The following TMEM161A variants were observed in gnomAD, a reference collection of about 807,000 sequenced individuals.
TMEM161A encodes the protein transmembrane protein 161A.
Under a neutral mutation model 57.1 loss-of-function variants are expected in TMEM161A, and 46 were observed. The ratio of observed to expected loss-of-function variants is 0.81; its 90% CI spans 0.64 to 1.03. TMEM161A has a LOEUF of 1.03. TMEM161A is among the 50% of genes least tolerant of loss of function. The pLI is 0.00. For missense variants in TMEM161A, 601 were observed against 621.5 expected (o/e 0.97, Z 0.35); for synonymous variants, 288 against 279.0 (o/e 1.03, Z -0.32).
intron 6 of TMEM161A, among the ~76,000 whole-genome samples, chr19:19,128,044 T>C (rs2059939565): frequency 6.6e-6 from 1 of 152,160 alleles, no homozygotes. Context: ...TACTGTATGA[T>C]GCCACTTATA....
chr19:19,132,593 C>G lies in TMEM161A; in HGVS notation c.286+64G>C. 6.4e-7 allele frequency: 1 copy of G among 1,571,344 alleles called. No individual in the cohort carries two copies. The highest frequency in any genetic ancestry group is 2.2e-5 in the East Asian group (1 of 44,520). On this transcript the variant is annotated intron_variant, in intron 4 of 11. Transcript: ENST00000162044. The surrounding 1 kb of genome is among the most constrained non-coding windows in gnomAD (Gnocchi z 4.3). ...TCTTCCTTCAAATCCTCCCCACCCC[C>G]ATGAGGGTGTGGAGACCTTCAGGGC...
At chr19:19,127,601 C>T (rs943582447) in intron 6 of TMEM161A, among the ~76,000 whole-genome samples, 31 of 151,960 alleles carry the variant, frequency 2.0e-4, no homozygotes, top group South Asian at 2.1e-4. Context: ...GGATTACAGG[C>T]GTGAGCCACC....
chr19:19,130,695 G>A (rs2059954312), intron 5 of TMEM161A, among the ~76,000 whole-genome samples: 1 of 152,174 alleles, frequency 6.6e-6, no homozygotes, highest in African/African-American at 2.4e-5. Flanking sequence ...CCAGCACTTT[G>A]GGAGGCCAAG....
intron 6 of TMEM161A, among the ~76,000 whole-genome samples, chr19:19,129,381 T>G (rs1202569089): frequency 6.6e-6 from 1 of 152,102 alleles, no homozygotes; most frequent in East Asian, 1.9e-4. Context: ...AGGGCTATGG[T>G]CTTTCTCCTA....
In TMEM161A at chr19:19,121,361, G is replaced by A. The variant is rs764967861; in HGVS notation, c.861C>T (p.Pro287=). 7 of 1,603,914 alleles carry A rather than the reference G, an allele frequency of 4.4e-6. No individual in the cohort carries two copies. The highest frequency in any genetic ancestry group is 1.1e-5 in the South Asian group (1 of 89,852). The part of the protein sequence containing the change: ...PLFILWLWTK[P]IARDFLHQPP... Reference sequence around the variant, plus strand: ...GCTGGTGCAGGAAGTCCCGTGCAATGGGCTTTGTCCAGAGCCACAGGATGA... The same window carrying A: ...GCTGGTGCAGGAAGTCCCGTGCAATAGGCTTTGTCCAGAGCCACAGGATGA... Residue 287 remains proline, a synonymous_variant, in exon 9 of 12, where the codon CCC becomes CCT. Transcript: ENST00000162044. This position sits in a 1 kb window ranked among gnomAD's most constrained non-coding sequence, Gnocchi z 5.8.
rs142826832 is a variant in TMEM161A, at chr19:19,136,408, C to G, written c.4-1521G>C. ...CGGTGGCTCGTGCCTGTAATCCCAG[C>G]ATGTTGGGAGGCTGAGGCGGGCTGA... is the stretch of plus-strand genomic sequence containing the variant. On this transcript the variant is annotated intron_variant, in intron 1 of 11. Transcript: ENST00000162044. 4.3e-3 allele frequency among the ~76,000 whole-genome samples: 657 copies of G among 152,218 alleles called. 4 individuals carry two copies. Among genetic ancestry groups the G allele is most frequent in the African/African-American group, 0.015 (643 of 41,524 alleles).
chr19:19,129,264 C>T (rs1467273430), intron 6 of TMEM161A, among the ~76,000 whole-genome samples: 1 of 152,152 alleles, frequency 6.6e-6, no homozygotes, highest in East Asian at 1.9e-4. Context: ...TTGACATACA[C>T]ATCTTCTTTG....
chr19:19,121,672 G>C lies in TMEM161A; in HGVS notation c.657-4C>G, dbSNP rs925246541. ...AGCCAGCTTGGCCACAGGAAGCCTA[G>C]GAGAACACCAGGTCACGAGCCTGCC... On this transcript the variant is annotated splice_region_variant and splice_polypyrimidine_tract_variant and intron_variant, in intron 7 of 11. Coordinates refer to ENST00000162044, the MANE Select transcript of TMEM161A (RefSeq NM_017814.3). The surrounding 1 kb of genome is among the most constrained non-coding windows in gnomAD (Gnocchi z 5.8). 1 of 1,613,376 alleles carries C rather than the reference G, an allele frequency of 6.2e-7. No homozygotes were observed. The highest frequency in any genetic ancestry group is 8.5e-7 in the Non-Finnish European group (1 of 1,179,464).
chr19:19,134,198 A>G (rs1241704264), intron 2 of TMEM161A, among the ~76,000 whole-genome samples: 1 of 152,164 alleles, frequency 6.6e-6, no homozygotes, highest in Non-Finnish European at 1.5e-5. Context: ...CAGGGGTGGA[A>G]GGAAGGCTGG....
intron 6 of TMEM161A, 127 bp downstream of exon 6, chr19:19,130,029 C>T (rs2059950008): frequency 9.5e-7 from 1 of 1,056,442 alleles, no homozygotes; most frequent in Admixed American, 2.3e-5. Context: ...CTAATGGGGA[C>T]TGCCTTCACC....
intron 5 of TMEM161A, 61 bp from the exon 6 acceptor site, chr19:19,130,368 A>G (rs997016244): frequency 2.8e-5 from 44 of 1,594,116 alleles, no homozygotes; most frequent in East Asian, 4.5e-5. Context: ...ATTTCACCAC[A>G]CTCCGTCTGG....
At chr19:19,135,979 TAGGACTACAG>T (rs1289573776) in intron 1 of TMEM161A, among the ~76,000 whole-genome samples, 3 of 151,996 alleles carry the variant, frequency 2.0e-5, no homozygotes, top group Non-Finnish European at 4.4e-5. Flanking sequence ...ACCGAGTAGT[TAGGACTACAG>T]TCATGTGCCA....
intron 2 of TMEM161A, 81 bp downstream of exon 2, chr19:19,134,703 T>C: frequency 9.4e-7 from 1 of 1,065,226 alleles, no homozygotes; most frequent in Non-Finnish European, 1.4e-6. Flanking sequence ...ATCAAGGCTT[T>C]GCAATTTGTG....
At chr19:19,136,618 T>C (rs962803962) in intron 1 of TMEM161A, among the ~76,000 whole-genome samples, 1 of 152,110 alleles carries the variant, frequency 6.6e-6, no homozygotes, top group African/African-American at 2.4e-5. Flanking sequence ...ATTGTGCCAC[T>C]GCACTCCAGC....
At chr19:19,134,999 GC>G in intron 1 of TMEM161A, 112 bp from the exon 2 acceptor site, 1 of 738,724 alleles carries the variant, frequency 1.4e-6, no homozygotes, top group Non-Finnish European at 2.2e-6. Flanking sequence ...GGAAGGGCGA[GC>G]CTCTTAGGCT....
chr19:19,138,336 A>G (rs1469856484), intron 1 of TMEM161A, 90 bp downstream of exon 1: 1 of 1,537,256 alleles, frequency 6.5e-7, no homozygotes, highest in Non-Finnish European at 8.8e-7. Flanking sequence ...CCAAGAAGAA[A>G]CCCCAATCCA....
chr19:19,131,539 T>G (rs931627571), intron 5 of TMEM161A, among the ~76,000 whole-genome samples: 9 of 151,672 alleles, frequency 5.9e-5, no homozygotes, highest in South Asian at 2.1e-4. Context: ...CACAATTTTT[T>G]GGGGGGATGT....
chr19:19,131,467 T>C (rs914420342), intron 5 of TMEM161A, among the ~76,000 whole-genome samples: 2 of 148,034 alleles, frequency 1.4e-5, no homozygotes, highest in African/African-American at 5.0e-5. Flanking sequence ...CAAATATATA[T>C]ACATGTACAT....
At chr19:19,130,568 C>T (rs2059953795) in intron 5 of TMEM161A, 1 of 498,364 alleles carries the variant, frequency 2.0e-6, no homozygotes, top group Non-Finnish European at 3.7e-6. Context: ...GCCTCTTTCA[C>T]CCACCTCACC....
Sources: gnomAD v4.1 joint callset for allele counts (sites outside exome capture counted in the v4.1 genomes callset) on GRCh38, gnomAD v4.1.1 for gene constraint, Gnocchi (gnomAD v3.1) non-coding constraint, MANE v1.5 for transcripts, NCBI Gene and HGNC (gene_info 2026-07-23, HGNC 2026-07-21) for gene names.